Variants in VAV3 observed in about 807,000 individuals in gnomAD.
The protein encoded by VAV3 is guanine nucleotide exchange factor VAV3.
A neutral mutation model predicts 131.2 loss-of-function variants in VAV3; 94 were observed. The ratio of observed to expected loss-of-function variants is 0.72; its 90% CI spans 0.61 to 0.85. The LOEUF (loss-of-function observed/expected upper bound fraction) is 0.85, where lower values mean the gene tolerates loss of function less well. Among genes scored for constraint, VAV3 ranks in the 40% least tolerant of loss-of-function variants. The probability of loss-of-function intolerance (pLI) is 0.00; values close to 1 mark genes in which losing one functional copy is unlikely to be tolerated. For synonymous variants in VAV3, 349 were observed against 342.0 expected (o/e 1.02, Z -0.22); for missense variants, 939 against 1,002.7 (o/e 0.94, Z 0.86).
At chr1:107,581,131 A>G (rs577373022) in intron 25 of VAV3, among the ~76,000 whole-genome samples, 14 of 152,364 alleles carry the variant, frequency 9.2e-5, no homozygotes, top group Admixed American at 7.2e-4. Flanking sequence ...ATTAGCATCC[A>G]CTTAGATAAT....
chr1:107,945,345 T>A (rs1456863902), intron 1 of VAV3, among the ~76,000 whole-genome samples: 2 of 152,210 alleles, frequency 1.3e-5, no homozygotes, highest in African/African-American at 4.8e-5. Context: ...TACAAAGGCA[T>A]TTAACAAATA....
chr1:107,726,030 C>CA lies in VAV3; in HGVS notation c.1503-20970dup, dbSNP rs548975873. 2.6e-4 allele frequency among the ~76,000 whole-genome samples: 40 copies of CA among 150,952 alleles called. 1 individual carries two copies. The South Asian group carries it at 7.3e-3, about 28-fold the overall frequency. On this transcript the variant is annotated intron_variant, in intron 15 of 26. Transcript: ENST00000370056. ...CTTCGAATTTAGGTTATTGCTAGAC[C>CA]AAAAAAAAATTCTCTAATGAAAGAT... is the stretch of plus-strand genomic sequence containing the variant.
intron 2 of VAV3, among the ~76,000 whole-genome samples, chr1:107,846,309 G>A (rs576635540): frequency 2.6e-5 from 4 of 152,210 alleles, no homozygotes; most frequent in African/African-American, 9.6e-5. Context: ...GACTAAATAC[G>A]GAAAGGAAAA....
At chr1:107,738,742 G>GTT (rs1662833070) in intron 15 of VAV3, among the ~76,000 whole-genome samples, 1 of 152,180 alleles carries the variant, frequency 6.6e-6, no homozygotes, top group Non-Finnish European at 1.5e-5. Flanking sequence ...TAGACTTATA[G>GTT]GTTAAAGCTT....
At position 107,879,525 on chromosome 1, in the gene VAV3, A is replaced by G. The variant is rs140263437; in HGVS notation, c.205-4508T>C. Among the ~76,000 whole-genome samples, 627 of 152,308 alleles carry G rather than the reference A, an allele frequency of 4.1e-3. 5 individuals are homozygous for G. The highest frequency in any genetic ancestry group is 0.014 in the African/African-American group (589 of 41,584). On this transcript the variant is annotated intron_variant, in intron 1 of 26. Coordinates refer to ENST00000370056, the MANE Select transcript of VAV3 (RefSeq NM_006113.5). ...AATGTATGATTTTATGGCTAGAGATAGGGTGTTTTGGCACAACATTACTTG... is the reference window on the plus strand; with the variant it reads ...AATGTATGATTTTATGGCTAGAGATGGGGTGTTTTGGCACAACATTACTTG...
At chr1:107,900,027 G>A (rs572204464) in intron 1 of VAV3, among the ~76,000 whole-genome samples, 92 of 152,150 alleles carry the variant, frequency 6.0e-4, no homozygotes, top group Non-Finnish European at 1.1e-3. Flanking sequence ...ATATATATCA[G>A]CAGGCATTTG....
At chr1:107,690,027 T>G (rs1447217259) in intron 17 of VAV3, among the ~76,000 whole-genome samples, 1 of 152,158 alleles carries the variant, frequency 6.6e-6, no homozygotes, top group Non-Finnish European at 1.5e-5. Flanking sequence ...GCAGTTTAAG[T>G]TTTCCATCCA....
intron 1 of VAV3, among the ~76,000 whole-genome samples, chr1:107,887,660 C>A (rs1671103078): frequency 1.3e-5 from 2 of 152,090 alleles, no homozygotes; most frequent in Non-Finnish European, 2.9e-5. Context: ...ATTTTCAGTT[C>A]TAAACCCTTG....
intron 1 of VAV3, among the ~76,000 whole-genome samples, chr1:107,960,879 A>G (rs1675050201): frequency 6.6e-6 from 1 of 152,094 alleles, no homozygotes. Flanking sequence ...TTCCTAACTC[A>G]GCTTCAAATG....
Position 107,874,914 on chromosome 1 carries a change from C to A in VAV3, c.308G>T (p.Arg103Leu), listed in dbSNP as rs372445365. 6 of 1,612,924 alleles carry A rather than the reference C, an allele frequency of 3.7e-6. No homozygotes were observed. In the East Asian group the frequency reaches 1.3e-4, roughly 36 times the overall value. Reference protein sequence around the residue: ...LFEAFDLFDVRDFGKVIETLS... With the variant: ...LFEAFDLFDVLDFGKVIETLS... ...AAGTATAATTACCTTTCCAAAGTCA[C>A]GAACATCAAACAAGTCAAATGCCTC... The change falls in exon 2 of 27, where the codon CGT becomes CTT. Residue 103 changes from arginine (R) to leucine (L), a missense_variant. Coordinates refer to ENST00000370056, the MANE Select transcript of VAV3 (RefSeq NM_006113.5).
At chr1:107,627,348 G>C (rs182734058) in intron 20 of VAV3, among the ~76,000 whole-genome samples, 3 of 152,162 alleles carry the variant, frequency 2.0e-5, no homozygotes, top group East Asian at 3.9e-4. Context: ...CTTCAGAATT[G>C]ATCATTTGCA....
At chr1:107,655,438 G>C (rs140931003) in intron 19 of VAV3, among the ~76,000 whole-genome samples, 25 of 152,138 alleles carry the variant, frequency 1.6e-4, no homozygotes, top group Non-Finnish European at 3.1e-4. Flanking sequence ...TAAAAATCTA[G>C]ACCCCTATAT....
intron 25 of VAV3, chr1:107,576,522 T>C (rs1449253098): frequency 8.4e-6 from 12 of 1,434,744 alleles, no homozygotes; most frequent in Middle Eastern, 1.8e-4. Flanking sequence ...CATTTAGGTA[T>C]TGGCAAAAAT....
chr1:107,810,561 C>G (rs2102329130), intron 2 of VAV3, among the ~76,000 whole-genome samples: 1 of 152,274 alleles, frequency 6.6e-6, no homozygotes, highest in East Asian at 1.9e-4. Flanking sequence ...ACAGTCCCAT[C>G]TGAATTTTCC....
At chr1:107,955,819 G>A (rs983480098) in intron 1 of VAV3, among the ~76,000 whole-genome samples, 9 of 152,268 alleles carry the variant, frequency 5.9e-5, no homozygotes, top group Middle Eastern at 3.4e-3. Flanking sequence ...TACTAAGGAG[G>A]TTGGATTTTA....
chr1:107,751,264 T>C (rs1341301015), intron 12 of VAV3, 62 bp from the exon 13 acceptor site: 10 of 1,302,990 alleles, frequency 7.7e-6, no homozygotes, highest in Non-Finnish European at 1.1e-5. Context: ...AAACAAATAT[T>C]AGTAGAGATA....
intron 25 of VAV3, among the ~76,000 whole-genome samples, chr1:107,585,842 T>C (rs1650442721): frequency 6.6e-6 from 1 of 152,194 alleles, no homozygotes; most frequent in South Asian, 2.1e-4. Flanking sequence ...CTACACACAC[T>C]GTAGTTACAG....
chr1:107,740,559 G>T (rs912731225), intron 15 of VAV3, among the ~76,000 whole-genome samples: 1 of 151,546 alleles, frequency 6.6e-6, no homozygotes, highest in African/African-American at 2.4e-5. Context: ...ACATTTTGGA[G>T]CTAAATCATC....
chr1:107,612,141 T>TAC (rs1471118482), intron 21 of VAV3, among the ~76,000 whole-genome samples: 1 of 149,114 alleles, frequency 6.7e-6, no homozygotes, highest in Non-Finnish European at 1.5e-5. Flanking sequence ...TATATATATA[T>TAC]ATACACACAC....
Sources: allele counts gnomAD v4.1 joint callset (sites outside exome capture counted in the v4.1 genomes callset), GRCh38; gene constraint gnomAD v4.1.1; transcripts MANE v1.5; gene names NCBI Gene and HGNC (gene_info 2026-07-23, HGNC 2026-07-21).